The following SHISA9 variants were observed in gnomAD, a reference collection of about 807,000 sequenced individuals.
SHISA9 encodes the protein shisa family member 9, also known as protein shisa-9.
Under a neutral mutation model 38.0 loss-of-function variants are expected in SHISA9, and 13 were observed. The ratio of observed to expected loss-of-function variants is 0.34; its 90% CI spans 0.22 to 0.54. The LOEUF (loss-of-function observed/expected upper bound fraction) is 0.54, where lower values mean the gene tolerates loss of function less well. Ranked by LOEUF, SHISA9 falls within the 20% of genes least tolerant of loss-of-function variation. SHISA9 has a pLI of 0.91. For missense variants in SHISA9, 538 were observed against 575.8 expected (o/e 0.93, Z 0.67); for synonymous variants, 275 against 242.0 (o/e 1.14, Z -1.27).
At chr16:13,325,516 T>C in the SHISA9 span, among the ~76,000 whole-genome samples, 1 of 152,104 alleles carries the variant, frequency 6.6e-6, no homozygotes, top group Non-Finnish European at 1.5e-5. Flanking sequence ...TAGAATATTA[T>C]TTTGGGGTTA....
intron 2 of SHISA9, among the ~76,000 whole-genome samples, chr16:13,114,912 A>ATCCATCCG (rs905293691): frequency 6.6e-6 from 1 of 151,566 alleles, no homozygotes; most frequent in African/African-American, 2.4e-5. Flanking sequence ...CCATCCATCC[A>ATCCATCCG]TCCATCCATC....
chr16:13,441,965 C>A, the SHISA9 span, among the ~76,000 whole-genome samples: 1 of 152,258 alleles, frequency 6.6e-6, no homozygotes, highest in South Asian at 2.1e-4. Context: ...TACCTCTACT[C>A]TGTATTTGCA....
chr16:13,358,915 A>G, the SHISA9 span, among the ~76,000 whole-genome samples: 2 of 152,252 alleles, frequency 1.3e-5, no homozygotes, highest in African/African-American at 4.8e-5. Flanking sequence ...AATACAGGAA[A>G]AGACCTCAAT....
chr16:12,970,512 T>A (rs2072066809), intron 2 of SHISA9, among the ~76,000 whole-genome samples: 1 of 67,350 alleles, frequency 1.5e-5, no homozygotes, highest in African/African-American at 5.9e-5. Flanking sequence ...TTTTTTTTTT[T>A]TTTTTTTTTT....
the SHISA9 span, among the ~76,000 whole-genome samples, chr16:13,550,689 T>C: frequency 6.6e-6 from 1 of 152,228 alleles, no homozygotes; most frequent in African/African-American, 2.4e-5. Context: ...GCATACTCAG[T>C]TTTTAAAATG....
the SHISA9 span, among the ~76,000 whole-genome samples, chr16:13,378,658 C>T: frequency 2.6e-5 from 4 of 152,160 alleles, no homozygotes; most frequent in Admixed American, 2.6e-4. Context: ...CTATCTTTCT[C>T]CTCTTCTAGG....
chr16:13,213,171 A>G, intron 3 of SHISA9, 82 bp from the exon 4 acceptor site: 3 of 1,301,408 alleles, frequency 2.3e-6, no homozygotes, highest in Non-Finnish European at 3.3e-6. Flanking sequence ...GGGGCAGCCA[A>G]CAGCACCTGG....
intron 2 of SHISA9, among the ~76,000 whole-genome samples, chr16:12,926,178 C>T (rs1299840948): frequency 6.6e-6 from 1 of 152,202 alleles, no homozygotes; most frequent in African/African-American, 2.4e-5. Flanking sequence ...CAGACATGAA[C>T]TATGTCTACC....
At chr16:13,549,297 C>T in the SHISA9 span, among the ~76,000 whole-genome samples, 1 of 152,084 alleles carries the variant, frequency 6.6e-6, no homozygotes, top group African/African-American at 2.4e-5. Flanking sequence ...TGCTATTGCA[C>T]AGTAGGATGA....
At chr16:13,414,667 CAG>C in the SHISA9 span, among the ~76,000 whole-genome samples, 2 of 94,546 alleles carry the variant, frequency 2.1e-5, no homozygotes, top group Non-Finnish European at 4.2e-5. Context: ...TTTTTTCAGA[CAG>C]AGTGTTGCCC....
At chr16:13,050,616 G>A (rs894011162) in intron 2 of SHISA9, among the ~76,000 whole-genome samples, 1 of 152,204 alleles carries the variant, frequency 6.6e-6, no homozygotes, top group African/African-American at 2.4e-5. Flanking sequence ...ACAGGCATGA[G>A]CCACCACGCC....
At chr16:13,544,122 C>T in the SHISA9 span, among the ~76,000 whole-genome samples, 7 of 152,012 alleles carry the variant, frequency 4.6e-5, no homozygotes, top group Admixed American at 6.6e-5. Flanking sequence ...ACACTTAACA[C>T]CTCTTTGAGT....
intron 2 of SHISA9, among the ~76,000 whole-genome samples, chr16:13,168,198 G>A (rs891821689): frequency 6.6e-6 from 1 of 152,144 alleles, no homozygotes; most frequent in Non-Finnish European, 1.5e-5. Flanking sequence ...GGCTGACTCA[G>A]GGTTGATTAC....
the SHISA9 span, among the ~76,000 whole-genome samples, chr16:13,354,857 G>T: frequency 6.6e-6 from 1 of 152,160 alleles, no homozygotes; most frequent in Admixed American, 6.5e-5. Context: ...GTTTTTATGA[G>T]AATTATGGCG....
intron 2 of SHISA9, among the ~76,000 whole-genome samples, chr16:13,140,770 G>A (rs2050395399): frequency 6.6e-6 from 1 of 152,182 alleles, no homozygotes; most frequent in African/African-American, 2.4e-5. Context: ...TGTAGGGAGG[G>A]TTTGAGGGGT....
At chr16:13,123,332 T>C (rs1468611441) in intron 2 of SHISA9, among the ~76,000 whole-genome samples, 1 of 152,244 alleles carries the variant, frequency 6.6e-6, no homozygotes, top group African/African-American at 2.4e-5. Flanking sequence ...ATTTAGGAGC[T>C]GGGATTGGCT....
the SHISA9 span, among the ~76,000 whole-genome samples, chr16:13,249,555 C>T: frequency 6.6e-6 from 1 of 152,154 alleles, no homozygotes; most frequent in African/African-American, 2.4e-5. Flanking sequence ...TCCTGCCTTC[C>T]AAGACCTTGG....
At chr16:13,334,681 G>A in the SHISA9 span, among the ~76,000 whole-genome samples, 2 of 151,336 alleles carry the variant, frequency 1.3e-5, no homozygotes, top group African/African-American at 2.4e-5. Context: ...GGCTGAGGCA[G>A]GAGAATCGCT....
chr16:13,445,200 C>CTTGT, the SHISA9 span, among the ~76,000 whole-genome samples: 1 of 151,810 alleles, frequency 6.6e-6, no homozygotes, highest in East Asian at 1.9e-4. Context: ...CATTTTAATT[C>CTTGT]TTGTTATGTG....
Sources: gnomAD v4.1 joint callset for allele counts (sites outside exome capture counted in the v4.1 genomes callset) on GRCh38, gnomAD v4.1.1 for gene constraint, MANE v1.5 for transcripts, NCBI Gene and HGNC (gene_info 2026-07-23, HGNC 2026-07-21) for gene names.